Variants in ROBO2 observed in about 807,000 individuals in gnomAD.
ROBO2 encodes roundabout homolog 2.
ROBO2 carries 53 observed loss-of-function variants against 160.8 expected under a neutral mutation model. The observed-to-expected ratio is 0.33, with a 90% confidence interval of 0.26 to 0.41. ROBO2 has a LOEUF of 0.41. Ranked by LOEUF, ROBO2 falls within the 10% of genes least tolerant of loss-of-function variation. ROBO2 has a pLI of 1.00. For synonymous variants in ROBO2, 664 were observed against 611.7 expected (o/e 1.09, Z -1.26); for missense variants, 1,577 against 1,722.4 (o/e 0.92, Z 1.49).
At chr3:77,286,599 T>C (rs1314900486) in intron 2 of ROBO2, among the ~76,000 whole-genome samples, 1 of 152,136 alleles carries the variant, frequency 6.6e-6, no homozygotes, top group Non-Finnish European at 1.5e-5. Context: ...ATTATAAAAT[T>C]GCCTTCTTTA....
chr3:77,554,481 C>A (rs1037803900), intron 8 of ROBO2, among the ~76,000 whole-genome samples: 28 of 151,942 alleles, frequency 1.8e-4, no homozygotes, highest in Non-Finnish European at 2.5e-4. Context: ...ACTGAAGGAT[C>A]TGGGCAGGGT....
chr3:76,160,343 G>A (rs1436594355), intron 2 of ROBO2, among the ~76,000 whole-genome samples: 1 of 152,062 alleles, frequency 6.6e-6, no homozygotes, highest in Non-Finnish European at 1.5e-5. Flanking sequence ...CAATAGTTTT[G>A]GCACCCATTG....
chr3:77,108,223 CAT>C (rs1474248458), intron 2 of ROBO2, among the ~76,000 whole-genome samples: 1 of 147,370 alleles, frequency 6.8e-6, no homozygotes, highest in Admixed American at 6.8e-5. Flanking sequence ...TATGTATACA[CAT>C]ATGCATATAT....
chr3:76,060,042 A>G (rs1298582408), intron 2 of ROBO2, among the ~76,000 whole-genome samples: 1 of 151,838 alleles, frequency 6.6e-6, no homozygotes, highest in Non-Finnish European at 1.5e-5. Context: ...ACTCTTTTAT[A>G]TATTTTTAAG....
chr3:77,216,534 G>A (rs1015761060), intron 2 of ROBO2, among the ~76,000 whole-genome samples: 7 of 152,124 alleles, frequency 4.6e-5, no homozygotes, highest in Admixed American at 6.5e-5. Flanking sequence ...TGGGTGAGGC[G>A]ATGCCTCGCC....
At chr3:76,408,041 C>T (rs950367506) in intron 2 of ROBO2, among the ~76,000 whole-genome samples, 4 of 151,910 alleles carry the variant, frequency 2.6e-5, no homozygotes, top group African/African-American at 9.7e-5. Context: ...CCAGGGAAGC[C>T]AAAGATTGAA....
At chr3:77,320,834 A>G (rs1196451312) in intron 2 of ROBO2, among the ~76,000 whole-genome samples, 3 of 152,222 alleles carry the variant, frequency 2.0e-5, no homozygotes, top group African/African-American at 7.2e-5. Flanking sequence ...ATTATCTGAT[A>G]TGTGTAATGT....
At chr3:77,235,798 C>T (rs1365780344) in intron 2 of ROBO2, among the ~76,000 whole-genome samples, 1 of 152,166 alleles carries the variant, frequency 6.6e-6, no homozygotes, top group East Asian at 1.9e-4. Context: ...TTGAAGTTTA[C>T]AGTGAAATTG....
chr3:77,105,275 G>A (rs997045011), intron 2 of ROBO2, among the ~76,000 whole-genome samples: 1 of 152,140 alleles, frequency 6.6e-6, no homozygotes, highest in Non-Finnish European at 1.5e-5. Flanking sequence ...TGCAAACTCC[G>A]TGGCGATGAG....
At chr3:76,718,438 A>G (rs2093415866) in intron 2 of ROBO2, among the ~76,000 whole-genome samples, 2 of 152,212 alleles carry the variant, frequency 1.3e-5, no homozygotes, top group African/African-American at 2.4e-5. Context: ...TTCCATTGCC[A>G]CTGTTATTTT....
At chr3:77,588,697 T>C (rs2094113219) in intron 16 of ROBO2, 54 bp from the exon 18 acceptor site, 3 of 1,521,732 alleles carry the variant, frequency 2.0e-6, no homozygotes, top group East Asian at 2.3e-5. Context: ...CATGTTTATA[T>C]TCCTGTGCTT....
intron 2 of ROBO2, among the ~76,000 whole-genome samples, chr3:76,716,468 A>G (rs188918730): frequency 8.3e-4 from 126 of 152,346 alleles, no homozygotes; most frequent in Admixed American, 4.1e-3. Context: ...CTGCCCTTAG[A>G]TATTCCATGC....
chr3:77,519,563 T>C (rs781644951), intron 5 of ROBO2, among the ~76,000 whole-genome samples: 1 of 151,326 alleles, frequency 6.6e-6, no homozygotes, highest in Non-Finnish European at 1.5e-5. Context: ...TTTACATCCA[T>C]GTGTACCCAA....
chr3:76,370,867 C>T (rs915832023), intron 2 of ROBO2, among the ~76,000 whole-genome samples: 1 of 151,892 alleles, frequency 6.6e-6, no homozygotes, highest in African/African-American at 2.4e-5. Context: ...TTTATTCTAG[C>T]CAGGCACTAG....
intron 2 of ROBO2, among the ~76,000 whole-genome samples, chr3:76,319,876 T>C (rs1222896305): frequency 4.6e-5 from 7 of 152,042 alleles, no homozygotes; most frequent in Admixed American, 4.6e-4. Flanking sequence ...GAAATTCAAG[T>C]AATCTATGTA....
At chr3:77,260,676 C>G (rs1214459272) in intron 2 of ROBO2, among the ~76,000 whole-genome samples, 2 of 152,114 alleles carry the variant, frequency 1.3e-5, no homozygotes, top group Non-Finnish European at 2.9e-5. Flanking sequence ...ATCCAAGGTC[C>G]CACAAGCGGT....
chr3:76,274,514 A>G lies in ROBO2; in HGVS notation c.109+336912A>G, dbSNP rs547493407. Among the ~76,000 whole-genome samples, 66 of 152,248 alleles carry G rather than the reference A, an allele frequency of 4.3e-4. 1 individual carries two copies. Among genetic ancestry groups the G allele is most frequent in the African/African-American group, 1.3e-3 (56 of 41,566 alleles). On this transcript the variant is annotated intron_variant, in intron 2 of 26. Transcript: ENST00000487694. ...GCTATGAAATACAGATTGTTATTCA[A>G]TCTGTTCTAGAACAAAAACCCTAGT...
chr3:76,028,338 C>T (rs184902735), intron 2 of ROBO2, among the ~76,000 whole-genome samples: 1 of 151,826 alleles, frequency 6.6e-6, no homozygotes, highest in Admixed American at 6.6e-5. Flanking sequence ...AGGGGTTAGG[C>T]CACTCATAAT....
chr3:76,444,025 G>A (rs1307955146), intron 2 of ROBO2, among the ~76,000 whole-genome samples: 2 of 152,082 alleles, frequency 1.3e-5, no homozygotes, highest in Non-Finnish European at 2.9e-5. Flanking sequence ...GAGTGCAGTG[G>A]CACAATCTTG....
Sources: gnomAD v4.1 joint callset for allele counts (sites outside exome capture counted in the v4.1 genomes callset) on GRCh38, gnomAD v4.1.1 for gene constraint, MANE v1.5 for transcripts, NCBI Gene and HGNC (gene_info 2026-07-23, HGNC 2026-07-21) for gene names.